Variants in TMCC3 observed in about 807,000 individuals in gnomAD.
TMCC3 encodes transmembrane and coiled-coil domain family 3, also known as transmembrane and coiled-coil domain protein 3.
Under a neutral mutation model 40.2 loss-of-function variants are expected in TMCC3, and 28 were observed. That is an observed-to-expected ratio of 0.70 (90% CI 0.52 to 0.95). The LOEUF (loss-of-function observed/expected upper bound fraction) is 0.95, where lower values mean the gene tolerates loss of function less well. TMCC3 is among the 40% of genes least tolerant of loss of function. The pLI, the probability that TMCC3 is intolerant of heterozygous loss-of-function variation, is 0.00. For missense variants in TMCC3, 554 were observed against 615.2 expected (o/e 0.90, Z 1.05); for synonymous variants, 255 against 248.5 (o/e 1.03, Z -0.25).
intron 1 of TMCC3, among the ~76,000 whole-genome samples, chr12:94,626,267 T>C (rs1404013116): frequency 2.0e-5 from 3 of 152,194 alleles, no homozygotes; most frequent in African/African-American, 7.2e-5. Context: ...TGAGATTTGG[T>C]TGGGGACACA....
At chr12:94,572,992 C>T (rs2068541974) in intron 3 of TMCC3, among the ~76,000 whole-genome samples, 1 of 152,184 alleles carries the variant, frequency 6.6e-6, no homozygotes, top group Admixed American at 6.5e-5. Context: ...GCCAGTTCTT[C>T]TTCTGAGATT....
chr12:94,602,091 C>T (rs535920056), intron 1 of TMCC3, among the ~76,000 whole-genome samples: 2 of 152,132 alleles, frequency 1.3e-5, no homozygotes, highest in East Asian at 3.9e-4. Flanking sequence ...GCCACTTGTC[C>T]CTGTGTTTGT....
At chr12:94,589,797 A>G (rs893218997) in intron 1 of TMCC3, among the ~76,000 whole-genome samples, 1 of 152,190 alleles carries the variant, frequency 6.6e-6, no homozygotes, top group African/African-American at 2.4e-5. Flanking sequence ...TTATGAGAAA[A>G]CCGAGACTTG....
At chr12:94,599,450 GA>G (rs147264617) in intron 1 of TMCC3, among the ~76,000 whole-genome samples, 3,894 of 152,158 alleles carry the variant, frequency 0.026, 148 homozygotes, top group African/African-American at 0.088. Context: ...TCTTGCAGCA[GA>G]AAGGAGGGTG....
chr12:94,635,565 C>T (rs946503595), intron 1 of TMCC3, among the ~76,000 whole-genome samples: 5 of 151,958 alleles, frequency 3.3e-5, no homozygotes, highest in Non-Finnish European at 7.4e-5. Flanking sequence ...AAAACACACA[C>T]GCACAAAACT....
intron 1 of TMCC3, among the ~76,000 whole-genome samples, chr12:94,596,247 T>C (rs1186260211): frequency 6.6e-6 from 1 of 152,220 alleles, no homozygotes; most frequent in Admixed American, 6.5e-5. Context: ...TCCATGTCAT[T>C]AGCTCTGCCT....
chr12:94,577,017 C>T (rs538314119), intron 3 of TMCC3, among the ~76,000 whole-genome samples: 25 of 152,198 alleles, frequency 1.6e-4, no homozygotes, highest in African/African-American at 5.8e-4. Flanking sequence ...CTCTGTGCCT[C>T]GGTCTCCATA....
chr12:94,635,580 T>C (rs1337819908), intron 1 of TMCC3, among the ~76,000 whole-genome samples: 1 of 152,074 alleles, frequency 6.6e-6, no homozygotes, highest in East Asian at 1.9e-4. Context: ...AAAACTTTGC[T>C]ATCTTTTCCT....
chr12:94,586,604 G>T (rs1322532503), intron 1 of TMCC3, among the ~76,000 whole-genome samples: 4 of 152,038 alleles, frequency 2.6e-5, no homozygotes, highest in African/African-American at 9.7e-5. Flanking sequence ...GAGGTAGAAA[G>T]GTTTTCATAT....
intron 2 of TMCC3, among the ~76,000 whole-genome samples, chr12:94,581,191 A>G (rs2068598964): frequency 6.6e-6 from 1 of 152,260 alleles, no homozygotes; most frequent in Non-Finnish European, 1.5e-5. Flanking sequence ...TATGCATCAT[A>G]TACACATAGC....
At chr12:94,626,024 G>A (rs758681596) in intron 1 of TMCC3, among the ~76,000 whole-genome samples, 25 of 152,274 alleles carry the variant, frequency 1.6e-4, no homozygotes, top group Non-Finnish European at 3.2e-4. Flanking sequence ...TCACAGTTCC[G>A]CATGGCTGGG....
At chr12:94,648,232 A>G (rs2069031466) in intron 1 of TMCC3, among the ~76,000 whole-genome samples, 1 of 151,458 alleles carries the variant, frequency 6.6e-6, no homozygotes, top group Non-Finnish European at 1.5e-5. Context: ...TTATTTATTT[A>G]TTTATTTATT....
chr12:94,632,112 A>C (rs959020369), intron 1 of TMCC3, among the ~76,000 whole-genome samples: 1 of 152,254 alleles, frequency 6.6e-6, no homozygotes, highest in African/African-American at 2.4e-5. Flanking sequence ...AACTGTAAGG[A>C]CAGAAATGAG....
chr12:94,645,036 G>A (rs929600598), intron 1 of TMCC3, among the ~76,000 whole-genome samples: 1 of 152,084 alleles, frequency 6.6e-6, no homozygotes, highest in African/African-American at 2.4e-5. Flanking sequence ...GTATTGTCCG[G>A]AACCACAAGA....
chr12:94,631,768 A>C (rs2068934689), intron 1 of TMCC3, among the ~76,000 whole-genome samples: 1 of 152,230 alleles, frequency 6.6e-6, no homozygotes, highest in Admixed American at 6.5e-5. Context: ...GAAGTAACAA[A>C]ACAACATTTA....
chr12:94,639,447 G>A (rs2068977368), intron 1 of TMCC3, among the ~76,000 whole-genome samples: 1 of 152,056 alleles, frequency 6.6e-6, no homozygotes, highest in Non-Finnish European at 1.5e-5. Context: ...AGCTGGCATG[G>A]TGGTGGGCAC....
intron 1 of TMCC3, among the ~76,000 whole-genome samples, chr12:94,635,577 T>C (rs1275711800): frequency 6.6e-6 from 1 of 152,162 alleles, no homozygotes; most frequent in African/African-American, 2.4e-5. Context: ...CACAAAACTT[T>C]GCTATCTTTT....
intron 1 of TMCC3, among the ~76,000 whole-genome samples, chr12:94,587,927 A>C (rs2138833044): frequency 6.6e-6 from 1 of 152,334 alleles, no homozygotes; most frequent in African/African-American, 2.4e-5. Context: ...TTATTACTTT[A>C]GATGAAAGGC....
chr12:94,628,473 A>T (rs540190618), intron 1 of TMCC3, among the ~76,000 whole-genome samples: 1 of 152,324 alleles, frequency 6.6e-6, no homozygotes, highest in African/African-American at 2.4e-5. Flanking sequence ...TGACAGGCAC[A>T]CGGGTTCAAT....
Sources: gnomAD v4.1 joint callset for allele counts (sites outside exome capture counted in the v4.1 genomes callset) on GRCh38, gnomAD v4.1.1 for gene constraint, MANE v1.5 for transcripts, NCBI Gene and HGNC (gene_info 2026-07-23, HGNC 2026-07-21) for gene names.